The following GRIP1 variants were observed in gnomAD, a reference collection of about 807,000 sequenced individuals.
GRIP1 encodes the protein glutamate receptor-interacting protein 1.
Under a neutral mutation model 129.9 loss-of-function variants are expected in GRIP1, and 45 were observed. The observed-to-expected ratio is 0.35, with a 90% CI of 0.27 to 0.44. The LOEUF is 0.44. Among genes scored for constraint, GRIP1 ranks in the 20% least tolerant of loss-of-function variants. The pLI is 1.00. For synonymous variants in GRIP1, 530 were observed against 520.8 expected, an observed-to-expected ratio of 1.02 and a Z score of -0.24; for missense variants, 1,196 against 1,396.8, an observed-to-expected ratio of 0.86 and a Z score of 2.29.
At chr12:66,831,610 A>G (rs2039519932) in intron 1 of GRIP1, among the ~76,000 whole-genome samples, 1 of 152,216 alleles carries the variant, frequency 6.6e-6, no homozygotes, top group East Asian at 1.9e-4. Flanking sequence ...TTAAAAACTG[A>G]AACTCTGAGA....
In GRIP1 at chr12:66,379,207, T is replaced by C. The variant is rs569920176; in HGVS notation, c.2621+73A>G. Reference sequence around the variant, plus strand: ...TACTAACAATATGTGCTACTGGAAGTACAGAAGTTCAAATCTTGCCCACAT... The same window carrying C: ...TACTAACAATATGTGCTACTGGAAGCACAGAAGTTCAAATCTTGCCCACAT... On this transcript the variant is annotated intron_variant, in intron 20 of 24. Coordinates refer to ENST00000359742, the MANE Select transcript of GRIP1 (RefSeq NM_001366722.1). 2.4e-5 allele frequency: 34 copies of C among 1,402,376 alleles called. No homozygotes were observed. In the Admixed American group the frequency reaches 3.3e-4, roughly 14 times the overall value. The allele number at this position is 1,402,376 out of a possible 1,614,324, so 86.9% of individuals were successfully genotyped here.
intron 1 of GRIP1, among the ~76,000 whole-genome samples, chr12:66,982,979 T>C (rs2042260653): frequency 6.6e-6 from 1 of 152,184 alleles, no homozygotes; most frequent in African/African-American, 2.4e-5. Flanking sequence ...ACAGTTTTCT[T>C]GATAAAAAGG....
chr12:66,451,838 G>A (rs972458893), intron 11 of GRIP1, among the ~76,000 whole-genome samples: 8 of 152,304 alleles, frequency 5.3e-5, no homozygotes, highest in Non-Finnish European at 8.8e-5. Flanking sequence ...ATGAGGGTGT[G>A]AGGACAGTTC....
At chr12:66,572,251 C>T (rs1429669252) in intron 2 of GRIP1, among the ~76,000 whole-genome samples, 1 of 152,188 alleles carries the variant, frequency 6.6e-6, no homozygotes, top group Non-Finnish European at 1.5e-5. Context: ...AATTCATTAT[C>T]TCTCCCTCTT....
At chr12:66,473,716 T>C (rs886638328) in intron 7 of GRIP1, among the ~76,000 whole-genome samples, 2 of 152,094 alleles carry the variant, frequency 1.3e-5, no homozygotes, top group African/African-American at 4.8e-5. Flanking sequence ...TCCAGCAAAC[T>C]CTAGCAGACC....
intron 22 of GRIP1, among the ~76,000 whole-genome samples, chr12:66,375,549 ATAAC>A (rs2055745466): frequency 6.6e-6 from 1 of 152,232 alleles, no homozygotes; most frequent in Admixed American, 6.5e-5. Context: ...AAGTGTAAAT[ATAAC>A]TAATTTATGA....
At chr12:66,686,597 T>C (rs1000586663) in intron 1 of GRIP1, among the ~76,000 whole-genome samples, 4 of 152,212 alleles carry the variant, frequency 2.6e-5, no homozygotes, top group Non-Finnish European at 5.9e-5. Flanking sequence ...TTGATGACTT[T>C]CTTTTTGTGG....
chr12:66,476,770 C>A (rs1241950268), intron 7 of GRIP1, among the ~76,000 whole-genome samples: 1 of 152,112 alleles, frequency 6.6e-6, no homozygotes, highest in Non-Finnish European at 1.5e-5. Context: ...GAACCAAAGA[C>A]AAAAACTACA....
chr12:66,552,798 A>G (rs1239113517), intron 2 of GRIP1, among the ~76,000 whole-genome samples: 2 of 152,188 alleles, frequency 1.3e-5, no homozygotes, highest in African/African-American at 2.4e-5. Flanking sequence ...CCCTTGTTTG[A>G]TGAGACTTGA....
In GRIP1 at chr12:66,486,490, C is replaced by A. The variant is rs187501859; in HGVS notation, c.725-21068G>T. ...GGAACCTGGTGGGAGATAATTGAATCATGGGGGCAGTTTCCCCCGTACTAT... is the reference window on the plus strand; with the variant it reads ...GGAACCTGGTGGGAGATAATTGAATAATGGGGGCAGTTTCCCCCGTACTAT... On this transcript the variant is annotated intron_variant, in intron 7 of 24. Transcript: ENST00000359742. Among the ~76,000 whole-genome samples, 4 of 152,226 alleles carry A rather than the reference C, an allele frequency of 2.6e-5. No homozygotes were observed. The East Asian group carries it at 7.7e-4, about 29-fold the overall frequency.
intron 1 of GRIP1, among the ~76,000 whole-genome samples, chr12:66,707,411 C>T (rs1294684671): frequency 1.3e-5 from 2 of 149,136 alleles, no homozygotes; most frequent in Non-Finnish European, 3.0e-5. Flanking sequence ...CATTCAGTCT[C>T]TAATGTACGA....
At chr12:66,924,230 A>G (rs1290005890) in intron 1 of GRIP1, among the ~76,000 whole-genome samples, 1 of 152,194 alleles carries the variant, frequency 6.6e-6, no homozygotes, top group Non-Finnish European at 1.5e-5. Flanking sequence ...AGTCTACATC[A>G]TATTACACTA....
At chr12:67,008,534 G>C (rs1046827447) in intron 1 of GRIP1, among the ~76,000 whole-genome samples, 4 of 152,122 alleles carry the variant, frequency 2.6e-5, no homozygotes, top group Admixed American at 6.5e-5. Flanking sequence ...TAGCAGTTGG[G>C]CACAGTGGTT....
chr12:67,041,097 T>C (rs1401106954), intron 1 of GRIP1, among the ~76,000 whole-genome samples: 1 of 152,134 alleles, frequency 6.6e-6, no homozygotes, highest in African/African-American at 2.4e-5. Flanking sequence ...TATTGGATTT[T>C]TGGACTCATC....
intron 2 of GRIP1, among the ~76,000 whole-genome samples, chr12:66,575,989 A>G (rs1467700777): frequency 6.6e-6 from 1 of 152,228 alleles, no homozygotes; most frequent in African/African-American, 2.4e-5. Flanking sequence ...AAAATAATGT[A>G]TAAACATGAC....
At position 66,685,571 on chromosome 12, in the gene GRIP1, A is replaced by G. The variant is rs539707001; in HGVS notation, c.-419-55235T>C. ...AAGAATGTTCATTTTCCACACTCCCAGGATATAGCGGTGGTGGGCTTATGC... is the reference window on the plus strand; with the variant it reads ...AAGAATGTTCATTTTCCACACTCCCGGGATATAGCGGTGGTGGGCTTATGC... On this transcript the variant is annotated intron_variant, in intron 1 of 4. Coordinates refer to the GRIP1 transcript ENST00000538373. 1.1e-3 allele frequency among the ~76,000 whole-genome samples: 170 copies of G among 152,322 alleles called. 2 individuals are homozygous for G. Among genetic ancestry groups the G allele is most frequent in the African/African-American group, 3.9e-3 (164 of 41,576 alleles).
At chr12:66,955,403 T>G (rs556500781) in intron 1 of GRIP1, among the ~76,000 whole-genome samples, 1 of 152,234 alleles carries the variant, frequency 6.6e-6, no homozygotes, top group Admixed American at 6.5e-5. Flanking sequence ...AATTATATAC[T>G]TCCTCTTTCA....
At chr12:66,423,171 A>T (rs2137862853) in intron 14 of GRIP1, among the ~76,000 whole-genome samples, 1 of 152,308 alleles carries the variant, frequency 6.6e-6, no homozygotes, top group East Asian at 1.9e-4. Flanking sequence ...TTGGGTCCAA[A>T]ATCCTGGCTC....
intron 1 of GRIP1, among the ~76,000 whole-genome samples, chr12:66,984,988 G>A (rs1219591483): frequency 6.6e-6 from 1 of 152,158 alleles, no homozygotes; most frequent in Non-Finnish European, 1.5e-5. Flanking sequence ...GGGGAAAGGT[G>A]GTTCTATGCC....
Sources: allele counts gnomAD v4.1 joint callset (sites outside exome capture counted in the v4.1 genomes callset), GRCh38; gene constraint gnomAD v4.1.1; transcripts MANE v1.5; gene names NCBI Gene and HGNC (gene_info 2026-07-23, HGNC 2026-07-21).